Variants in GNA14 observed in about 807,000 individuals in gnomAD.
GNA14 encodes the protein G protein subunit alpha 14.
GNA14 carries 50 observed loss-of-function variants against 42.0 expected under a neutral mutation model. That is an observed-to-expected ratio of 1.19 (90% CI 0.95 to 1.51). The LOEUF is 1.51. Ranked by LOEUF, GNA14 falls within the 40% of genes most tolerant of loss-of-function variation. The pLI, the probability that GNA14 is intolerant of heterozygous loss-of-function variation, is 0.00. For synonymous variants in GNA14, 173 were observed against 163.1 expected (o/e 1.06, Z -0.46); for missense variants, 473 against 446.2 (o/e 1.06, Z -0.54).
At chr9:77,432,322 A>G (rs938380076) in intron 3 of GNA14, among the ~76,000 whole-genome samples, 3 of 152,152 alleles carry the variant, frequency 2.0e-5, no homozygotes, top group African/African-American at 7.2e-5. Flanking sequence ...GTATGCCTTC[A>G]GCTCCAGAAG....
chr9:77,618,657 G>A (rs1282722590), intron 1 of GNA14, among the ~76,000 whole-genome samples: 7 of 60,758 alleles, frequency 1.2e-4, no homozygotes, highest in Admixed American at 2.4e-4. Flanking sequence ...TTTTTGAGAC[G>A]GAGTCTCGCT....
chr9:77,493,735 GTTA>G (rs1382680324), intron 2 of GNA14, among the ~76,000 whole-genome samples: 2 of 151,952 alleles, frequency 1.3e-5, no homozygotes, highest in South Asian at 2.1e-4. Context: ...AGCTCTTTGG[GTTA>G]TTATTTGTTT....
intron 2 of GNA14, among the ~76,000 whole-genome samples, chr9:77,511,608 A>G (rs1837171644): frequency 6.6e-6 from 1 of 152,162 alleles, no homozygotes; most frequent in African/African-American, 2.4e-5. Flanking sequence ...AGGAGTTGAA[A>G]TCTGTAACAT....
In GNA14 at chr9:77,647,708, T is replaced by C. The variant is rs770980701; in HGVS notation, c.86A>G (p.Lys29Arg). The C allele has an allele frequency of 1.2e-6, 2 of 1,610,422 alleles. No individual in the cohort carries two copies. Among genetic ancestry groups the C allele is most frequent in the East Asian group, 2.2e-5 (1 of 44,754 alleles). The change falls in exon 1 of 7, where the codon AAG (lysine) becomes AGG (arginine). Residue 29 changes from lysine to arginine, a missense_variant. Lys to Arg is a conservative substitution (Grantham distance 26). Transcript: ENST00000341700. ...AEIERQLRRD[K>R]KDARRELKLL... Reference sequence around the variant, plus strand: ...CTTAAGCTCACGGCGCGCGTCCTTCTTGTCCCGACGAAGCTGTCGCTCGAT... The same window carrying C: ...CTTAAGCTCACGGCGCGCGTCCTTCCTGTCCCGACGAAGCTGTCGCTCGAT...
chr9:77,441,348 G>T (rs1835731699), intron 2 of GNA14, among the ~76,000 whole-genome samples: 1 of 152,068 alleles, frequency 6.6e-6, no homozygotes, highest in Admixed American at 6.6e-5. Flanking sequence ...CACACTTTCT[G>T]CTGCTGCCTG....
At chr9:77,459,972 A>G (rs1317566608) in intron 2 of GNA14, among the ~76,000 whole-genome samples, 1 of 152,072 alleles carries the variant, frequency 6.6e-6, no homozygotes, top group Non-Finnish European at 1.5e-5. Context: ...TGGATCCCCT[A>G]TAGCTCCCTG....
intron 1 of GNA14, among the ~76,000 whole-genome samples, chr9:77,606,317 T>C (rs1823645560): frequency 1.3e-5 from 2 of 152,214 alleles, no homozygotes; most frequent in African/African-American, 4.8e-5. Flanking sequence ...CTTTCTCATC[T>C]TTTAAGTGTA....
chr9:77,489,053 T>C (rs932137146), intron 2 of GNA14, among the ~76,000 whole-genome samples: 1 of 152,096 alleles, frequency 6.6e-6, no homozygotes, highest in African/African-American at 2.4e-5. Context: ...TTCAGAAGTT[T>C]ATCAGATAAA....
intron 2 of GNA14, among the ~76,000 whole-genome samples, chr9:77,500,718 T>A (rs1326537635): frequency 6.6e-6 from 1 of 152,226 alleles, no homozygotes; most frequent in Non-Finnish European, 1.5e-5. Flanking sequence ...CCTTGTGGGA[T>A]TGGCTTTATT....
intron 2 of GNA14, among the ~76,000 whole-genome samples, chr9:77,488,645 G>A (rs764382956): frequency 1.6e-4 from 24 of 152,086 alleles, no homozygotes; most frequent in Non-Finnish European, 3.1e-4. Flanking sequence ...CAGATGGGCA[G>A]CACTCTGGTT....
At chr9:77,492,260 C>T (rs1378253901) in intron 2 of GNA14, among the ~76,000 whole-genome samples, 1 of 151,414 alleles carries the variant, frequency 6.6e-6, no homozygotes, top group Non-Finnish European at 1.5e-5. Flanking sequence ...ACAGAAAAGC[C>T]AAACCCAAAA....
chr9:77,591,212 T>C (rs1049799708), intron 1 of GNA14, among the ~76,000 whole-genome samples: 1 of 152,146 alleles, frequency 6.6e-6, no homozygotes, highest in Non-Finnish European at 1.5e-5. Context: ...CCCTACTACA[T>C]AGGCCTCCCA....
At chr9:77,427,920 A>G (rs1348784193) in intron 5 of GNA14, among the ~76,000 whole-genome samples, 1 of 152,226 alleles carries the variant, frequency 6.6e-6, no homozygotes, top group Non-Finnish European at 1.5e-5. Flanking sequence ...TATGGAGGTT[A>G]GGAAGCCTGT....
intron 1 of GNA14, among the ~76,000 whole-genome samples, chr9:77,639,915 T>C (rs1431606879): frequency 6.6e-6 from 1 of 152,234 alleles, no homozygotes; most frequent in Non-Finnish European, 1.5e-5. Flanking sequence ...TGTGGTCCCT[T>C]CCAACTTTAG....
intron 2 of GNA14, among the ~76,000 whole-genome samples, chr9:77,493,601 T>A (rs1836823306): frequency 6.6e-6 from 1 of 152,232 alleles, no homozygotes; most frequent in Non-Finnish European, 1.5e-5. Context: ...GTTATATTGA[T>A]CTATCCATAT....
At chr9:77,494,333 TA>T (rs754655037) in intron 2 of GNA14, among the ~76,000 whole-genome samples, 5 of 152,258 alleles carry the variant, frequency 3.3e-5, no homozygotes, top group African/African-American at 4.8e-5. Context: ...TGGTCATTAT[TA>T]ATCTTCAATA....
intron 1 of GNA14, among the ~76,000 whole-genome samples, chr9:77,577,402 C>T (rs746607860): frequency 2.6e-5 from 4 of 152,194 alleles, no homozygotes; most frequent in Non-Finnish European, 5.9e-5. Flanking sequence ...GTTCAGCTCT[C>T]AGAACTGGCT....
intron 2 of GNA14, among the ~76,000 whole-genome samples, chr9:77,435,050 T>TAAAA (rs3052358): frequency 8.4e-6 from 1 of 119,270 alleles, no homozygotes; most frequent in Non-Finnish European, 1.8e-5. Flanking sequence ...TTCTTTCATT[T>TAAAA]AAAAAAAAAA....
At chr9:77,472,286 G>A (rs528489484) in intron 2 of GNA14, among the ~76,000 whole-genome samples, 195 of 152,212 alleles carry the variant, frequency 1.3e-3, no homozygotes, top group African/African-American at 4.5e-3. Context: ...TGTATTAAGC[G>A]GAACCATGAT....
Sources: allele counts gnomAD v4.1 joint callset (sites outside exome capture counted in the v4.1 genomes callset), GRCh38; gene constraint gnomAD v4.1.1; transcripts MANE v1.5; gene names NCBI Gene and HGNC (gene_info 2026-07-23, HGNC 2026-07-21).